The following GYPB variants were observed in gnomAD, a reference collection of about 807,000 sequenced individuals.
The protein encoded by GYPB is glycophorin-B.
GYPB carries 13 observed loss-of-function variants against 15.3 expected under a neutral mutation model. That is an observed-to-expected ratio of 0.85 (90% CI 0.55 to 1.35). GYPB has a LOEUF of 1.35. Among genes scored for constraint, GYPB ranks in the 40% most tolerant of loss-of-function variants. GYPB has a pLI of 0.00. For missense variants in GYPB, 131 were observed against 108.3 expected (o/e 1.21, Z -0.93); for synonymous variants, 38 against 36.9 (o/e 1.03, Z -0.11).
intron 1 of GYPB, among the ~76,000 whole-genome samples, chr4:144,017,743 A>G (rs949145689): frequency 3.3e-5 from 5 of 151,440 alleles, no homozygotes; most frequent in African/African-American, 1.2e-4. Flanking sequence ...TGTTTGAGCT[A>G]CATCCAGTTT....
chr4:144,008,121 G>C lies in GYPB; in HGVS notation c.38-6838C>G, dbSNP rs1198618700. Among the ~76,000 whole-genome samples, 5 of 151,692 alleles carry C rather than the reference G, an allele frequency of 3.3e-5. No homozygotes were observed. The East Asian group carries it at 9.6e-4, about 29-fold the overall frequency. On this transcript the variant is annotated intron_variant, in intron 1 of 4. Transcript: ENST00000502664. ...GATGTTAATTATTCTTTGTGGAGGA[G>C]GAAAAGAAAACATCAGAAACATTGC...
intron 1 of GYPB, among the ~76,000 whole-genome samples, chr4:144,001,964 G>A (rs1413452802): frequency 6.5e-4 from 26 of 40,148 alleles, no homozygotes; most frequent in Non-Finnish European, 9.9e-4. Flanking sequence ...ACGAGATTCC[G>A]TTTCAAAAAA....
chr4:144,005,797 C>T (rs1453048936), intron 1 of GYPB, among the ~76,000 whole-genome samples: 3 of 151,710 alleles, frequency 2.0e-5, no homozygotes, highest in Non-Finnish European at 4.4e-5. Context: ...GAGAAACATA[C>T]TCTCAAGACC....
intron 4 of GYPB, 155 bp downstream of exon 4, chr4:143,997,385 T>C: frequency 1.9e-6 from 1 of 526,544 alleles, no homozygotes; most frequent in Admixed American, 3.4e-5. Context: ...AAAATTCTGC[T>C]AGAGAAACAC....
Position 144,019,375 on chromosome 4 carries a change from G to C in GYPB, c.-88C>G. On this transcript the variant is annotated 5_prime_UTR_variant, in exon 1 of 5. Coordinates refer to ENST00000502664, the MANE Select transcript of GYPB (RefSeq NM_002100.6). ...GTCAGTGTCTGGCCTTAGCCTACTA[G>C]CTGTTATCTTCCAGGCCCACCTTCC... 1 of 1,608,240 alleles carries C rather than the reference G, an allele frequency of 6.2e-7. No individual in the cohort carries two copies. The highest frequency in any genetic ancestry group is 8.5e-7 in the Non-Finnish European group (1 of 1,177,928).
At chr4:144,008,253 C>G (rs1264067829) in intron 1 of GYPB, 16 of 397,154 alleles carry the variant, frequency 4.0e-5, no homozygotes, top group Non-Finnish European at 5.1e-5. Context: ...ATCTATGTAG[C>G]AGAAAGAGAA....
At chr4:144,000,476 C>G (rs989880098) in intron 2 of GYPB, 122 of 995,862 alleles carry the variant, frequency 1.2e-4, no homozygotes, top group Non-Finnish European at 1.6e-4. Flanking sequence ...TTGTGCTTAT[C>G]TGCATATAAG....
chr4:143,999,601 A>T (rs1272659721), intron 2 of GYPB, among the ~76,000 whole-genome samples, 152 bp from the exon 3 acceptor site: 1 of 151,514 alleles, frequency 6.6e-6, no homozygotes, highest in African/African-American at 2.5e-5. Flanking sequence ...AGTAACATTT[A>T]TGAGGTAATG....
rs7683365 is a variant in GYPB at position 143,999,443 on chromosome 4, G to C, written c.143C>G (p.Thr48Arg). Residue 48 changes from threonine (T) to arginine (R), a missense_variant, in exon 3 of 5, where the codon ACG becomes AGG. Physicochemically the swap from Thr to Arg is moderately conservative, Grantham distance 71 (BLOSUM62 -1). Coordinates refer to ENST00000502664, the MANE Select transcript of GYPB (RefSeq NM_002100.6). ...AGTGAAACGATGGACAAGTTGTCCCGTTTCTCCTATAAAGCAAAATTTCAA... is the reference window on the plus strand; with the variant it reads ...AGTGAAACGATGGACAAGTTGTCCCCTTTCTCCTATAAAGCAAAATTTCAA... ...SYISSQTNGE[T>R]GQLVHRFTVP... 8.6e-6 allele frequency: 13 copies of C among 1,507,918 alleles called. No homozygotes were observed. The highest frequency in any genetic ancestry group is 2.8e-5 in the African/African-American group (2 of 70,320). 93.4% of individuals were successfully genotyped at this position (1,507,918 alleles called of 1,614,324 possible).
chr4:143,997,695 T>C, intron 3 of GYPB, 61 bp from the exon 4 acceptor site: 1 of 844,390 alleles, frequency 1.2e-6, no homozygotes, highest in East Asian at 2.4e-5. Context: ...AATAGAAAAA[T>C]AAGACAGATA....
intron 1 of GYPB, among the ~76,000 whole-genome samples, chr4:144,003,432 G>A (rs1161984470): frequency 6.6e-6 from 1 of 151,210 alleles, no homozygotes; most frequent in Non-Finnish European, 1.5e-5. Flanking sequence ...CATTCCTTTG[G>A]TGGAGAAGCC....
rs55807150 is a variant in GYPB, at chr4:144,009,601, CTTTTTTTTTTTTT to C, written c.38-8331_38-8319del. 1.2e-4 allele frequency among the ~76,000 whole-genome samples: 7 copies of C among 57,804 alleles called. 1 individual carries two copies. The South Asian group carries it at 6.0e-3, about 50-fold the overall frequency. 37.9% of individuals were successfully genotyped at this position (57,804 alleles called of 152,430 possible). A position where few individuals can be genotyped will look rare whatever the true frequency, so the allele number is the denominator to read the frequency against. On this transcript the variant is annotated intron_variant, in intron 1 of 4. Coordinates refer to ENST00000502664, the MANE Select transcript of GYPB (RefSeq NM_002100.6). ...ATTATTATTTTGATTTTTTTTCTTT[CTTTTTTTTTTTTT>C]TTTTTTTTTTTTTTTTTGAGATGGA...
rs917844888 is a variant in GYPB, at chr4:144,011,853, AG to A, written c.37+7397del. Among the ~76,000 whole-genome samples the A allele has an allele frequency of 4.1e-4, 62 of 151,398 alleles. 7 individuals are homozygous for A. Among genetic ancestry groups the A allele is most frequent in the African/African-American group, 1.5e-3 (62 of 40,876 alleles). On this transcript the variant is annotated intron_variant, in intron 1 of 4. Transcript: ENST00000502664. ...TGAATCTAGCAGAATAGTTCAGGAA[AG>A]GTAGCAAGGGGAGAACTTTTGTGGT...
chr4:144,012,629 T>G (rs1162845821), intron 1 of GYPB: 1 of 151,632 alleles, frequency 6.6e-6, no homozygotes, highest in East Asian at 1.9e-4. Flanking sequence ...ACAGACATAT[T>G]CTTCGGATAG....
At position 144,017,571 on chromosome 4, in the gene GYPB, A is replaced by G. The variant is rs1340715302; in HGVS notation, c.37+1680T>C. ...CCCAGTGACCTCTTTATCAAGTGCCATTTAAGGCTTTAATTCACTATCTGC... is the reference window on the plus strand; with the variant it reads ...CCCAGTGACCTCTTTATCAAGTGCCGTTTAAGGCTTTAATTCACTATCTGC... On this transcript the variant is annotated intron_variant, in intron 1 of 4. Transcript: ENST00000502664. 2.7e-5 allele frequency among the ~76,000 whole-genome samples: 4 copies of G among 150,916 alleles called. 1 individual carries two copies. The highest frequency in any genetic ancestry group is 9.9e-5 in the African/African-American group (4 of 40,342).
chr4:144,014,938 A>G (rs1448622089), intron 1 of GYPB, among the ~76,000 whole-genome samples: 1 of 151,512 alleles, frequency 6.6e-6, no homozygotes, highest in African/African-American at 2.5e-5. Flanking sequence ...AGGGATGGAA[A>G]TACCAAAGTT....
In GYPB at chr4:144,009,606, T is replaced by C. The variant is rs1309920430; in HGVS notation, c.38-8323A>G. ...TATTTTGATTTTTTTTCTTTCTTTTTTTTTTTTTTTTTTTTTTTTTTTTTT... is the reference window on the plus strand; with the variant it reads ...TATTTTGATTTTTTTTCTTTCTTTTCTTTTTTTTTTTTTTTTTTTTTTTTT... On this transcript the variant is annotated intron_variant, in intron 1 of 4. Transcript: ENST00000502664. Among the ~76,000 whole-genome samples the C allele has an allele frequency of 5.5e-4, 17 of 31,128 alleles. 1 individual carries two copies. Among genetic ancestry groups the C allele is most frequent in the African/African-American group, 2.3e-3 (15 of 6,580 alleles). 20.4% of individuals were successfully genotyped at this position (31,128 alleles called of 152,430 possible).
Position 144,019,320 on chromosome 4 carries a change from G to C in GYPB, c.-33C>G. Reference sequence around the variant, plus strand: ...TCATGAGCTGGTTCCTGAAGTTAGTGCAAAAAAACTACCAAAGACAACTGC... The same window carrying C: ...TCATGAGCTGGTTCCTGAAGTTAGTCCAAAAAAACTACCAAAGACAACTGC... On this transcript the variant is annotated 5_prime_UTR_variant, in exon 1 of 5. Transcript: ENST00000502664. The C allele has an allele frequency of 6.2e-7, 1 of 1,611,504 alleles. No individual in the cohort carries two copies. The highest frequency in any genetic ancestry group is 8.5e-7 in the Non-Finnish European group (1 of 1,179,324).
chr4:143,999,685 C>T (rs967198389), intron 2 of GYPB, among the ~76,000 whole-genome samples: 1 of 151,216 alleles, frequency 6.6e-6, no homozygotes, highest in African/African-American at 2.5e-5. Context: ...GAGAAATAAG[C>T]AAATTGTCTC....
Sources: allele counts gnomAD v4.1 joint callset (sites outside exome capture counted in the v4.1 genomes callset), GRCh38; gene constraint gnomAD v4.1.1; transcripts MANE v1.5; gene names NCBI Gene and HGNC (gene_info 2026-07-23, HGNC 2026-07-21).